The following C1GALT1 variants were observed in gnomAD, a reference collection of about 807,000 sequenced individuals.
C1GALT1 encodes core 1 synthase, glycoprotein-N-acetylgalactosamine 3-beta-galactosyltransferase 1.
Under a neutral mutation model 31.0 loss-of-function variants are expected in C1GALT1, and 11 were observed. The ratio of observed to expected loss-of-function variants is 0.36; its 90% CI spans 0.22 to 0.59. The LOEUF (loss-of-function observed/expected upper bound fraction) is 0.59. C1GALT1 is among the 20% of genes least tolerant of loss of function. C1GALT1 has a pLI of 0.79. For missense variants in C1GALT1, 424 were observed against 425.2 expected, an observed-to-expected ratio of 1.00 and a Z score of 0.03; for synonymous variants, 175 against 143.6, an observed-to-expected ratio of 1.22 and a Z score of -1.56.
chr7:7,229,655 A>G (rs1005294841), intron 1 of C1GALT1, among the ~76,000 whole-genome samples: 12 of 152,244 alleles, frequency 7.9e-5, no homozygotes, highest in African/African-American at 2.9e-4. Flanking sequence ...GACAATCGAG[A>G]TATTTAGAAT....
At chr7:7,216,818 A>G (rs550694240) in intron 1 of C1GALT1, among the ~76,000 whole-genome samples, 2 of 152,322 alleles carry the variant, frequency 1.3e-5, no homozygotes, top group South Asian at 4.1e-4. Flanking sequence ...CCGTTCTCAG[A>G]AGAGTCCTAG....
At chr7:7,167,586 T>TC (rs1170164529) in intron 2 of C1GALT1, among the ~76,000 whole-genome samples, 1 of 151,566 alleles carries the variant, frequency 6.6e-6, no homozygotes, top group Non-Finnish European at 1.5e-5. Context: ...TTTTTGTTGT[T>TC]CATTTTTTTT....
intron 3 of C1GALT1, among the ~76,000 whole-genome samples, chr7:7,242,025 G>A (rs902426096): frequency 1.3e-5 from 2 of 151,892 alleles, no homozygotes; most frequent in African/African-American, 4.8e-5. Context: ...AATATGCACT[G>A]GACAGTATAG....
At chr7:7,180,070 A>G, upstream of C1GALT1, among the ~76,000 whole-genome samples, 1 of 152,206 alleles carries the variant, frequency 6.6e-6, no homozygotes, top group East Asian at 1.9e-4. Flanking sequence ...ACTAGTAAAG[A>G]AGAAAGGATT....
At chr7:7,181,942 T>C (rs531539783), upstream of C1GALT1, among the ~76,000 whole-genome samples, 2 of 152,096 alleles carry the variant, frequency 1.3e-5, no homozygotes, top group African/African-American at 2.4e-5. Flanking sequence ...GTTACGCCCC[T>C]AAGAAGCTCT....
intron 1 of C1GALT1, among the ~76,000 whole-genome samples, chr7:7,201,240 G>A (rs1375684625): frequency 1.3e-5 from 2 of 152,188 alleles, no homozygotes; most frequent in East Asian, 1.9e-4. Flanking sequence ...ACCCTCAGCC[G>A]CAGGTCTGTT....
upstream of C1GALT1, among the ~76,000 whole-genome samples, chr7:7,179,170 G>T (rs1484058962): frequency 6.6e-6 from 1 of 152,106 alleles, no homozygotes; most frequent in African/African-American, 2.4e-5. Context: ...CAGCTACCTG[G>T]CCCCAACAAG....
chr7:7,170,652 A>C (rs1780443557), intron 2 of C1GALT1, among the ~76,000 whole-genome samples: 1 of 152,134 alleles, frequency 6.6e-6, no homozygotes, highest in South Asian at 2.1e-4. Flanking sequence ...GCATGGTGGC[A>C]GGCATCTGTG....
intron 1 of C1GALT1, among the ~76,000 whole-genome samples, chr7:7,211,019 T>A (rs1179213075): frequency 6.6e-6 from 1 of 151,694 alleles, no homozygotes; most frequent in East Asian, 1.9e-4. Context: ...GGGCAACAAC[T>A]CCTTCTGGCT....
chr7:7,199,591 C>T (rs950871567), intron 1 of C1GALT1, among the ~76,000 whole-genome samples: 1 of 144,140 alleles, frequency 6.9e-6, no homozygotes, highest in Non-Finnish European at 1.5e-5. Flanking sequence ...CCTGGATATC[C>T]TTGTTACAAC....
At chr7:7,180,969 C>T (rs1780570898), upstream of C1GALT1, among the ~76,000 whole-genome samples, 1 of 151,188 alleles carries the variant, frequency 6.6e-6, no homozygotes, top group Non-Finnish European at 1.5e-5. Flanking sequence ...CTGATTTGGT[C>T]CAGTATTGTT....
In C1GALT1 at chr7:7,238,524, T is replaced by G. The variant is rs755678129; in HGVS notation, c.490T>G (p.Trp164Gly). ...VHEHYLEDADWFLKADDDTYV... is the reference protein window; with the variant it reads ...VHEHYLEDADGFLKADDDTYV... ...TGAACATTATTTAGAAGATGCTGAT[T>G]GGTTTTTGAAAGCAGATGATGACAC... The change falls in exon 3 of 4, where the codon TGG becomes GGG. Residue 164 changes from tryptophan to glycine, a missense_variant. By Grantham distance (184) the Trp-to-Gly change is radical. Around this residue, in one of 3 missense-constraint regions of C1GALT1, gnomAD observed 44 missense variants for 78.3 expected, o/e 0.56. Transcript: ENST00000436587. The surrounding 1 kb of genome is among the most constrained non-coding windows in gnomAD (Gnocchi z 5.2). 2 of 1,614,172 alleles carry G rather than the reference T, an allele frequency of 1.2e-6. No homozygotes were observed. The highest frequency in any genetic ancestry group is 2.2e-5 in the East Asian group (1 of 44,884).
intron 2 of C1GALT1, among the ~76,000 whole-genome samples, chr7:7,167,719 CT>C (rs1241968098): frequency 6.6e-6 from 1 of 152,082 alleles, no homozygotes; most frequent in African/African-American, 2.4e-5. Context: ...TACTACAGCT[CT>C]TTTCTTGGCC....
At chr7:7,242,429 C>T (rs752933270) in intron 3 of C1GALT1, among the ~76,000 whole-genome samples, 11 of 152,060 alleles carry the variant, frequency 7.2e-5, no homozygotes, top group East Asian at 1.9e-4. Context: ...GCAGAGAAAA[C>T]GCAGTGGACA....
chr7:7,185,862 A>G (rs765675454), intron 1 of C1GALT1, among the ~76,000 whole-genome samples: 3 of 152,260 alleles, frequency 2.0e-5, no homozygotes, highest in Non-Finnish European at 4.4e-5. Context: ...GTTTAGCATT[A>G]TAGACTGAAT....
intron 1 of C1GALT1, among the ~76,000 whole-genome samples, chr7:7,201,757 C>T (rs1004491067): frequency 6.6e-6 from 1 of 152,204 alleles, no homozygotes; most frequent in Non-Finnish European, 1.5e-5. Context: ...CCCTCCCCCT[C>T]CCCCGAGGAA....
In C1GALT1 at chr7:7,191,706, G is replaced by C. The variant is rs115676460; in HGVS notation, c.-18+8886G>C. ...TAAGGTAGCATCTCATTGTAGTCTT[G>C]ATTTGTTTTGCTAATGATTAGAGAT... On this transcript the variant is annotated intron_variant, in intron 1 of 3. Transcript: ENST00000436587. Among the ~76,000 whole-genome samples the C allele has an allele frequency of 5.9e-3, 903 of 152,186 alleles. 8 individuals are homozygous for C. The highest frequency in any genetic ancestry group is 0.02 in the African/African-American group (838 of 41,552).
At chr7:7,240,605 G>A (rs1311307921) in intron 3 of C1GALT1, among the ~76,000 whole-genome samples, 1 of 152,106 alleles carries the variant, frequency 6.6e-6, no homozygotes, top group Non-Finnish European at 1.5e-5. Flanking sequence ...CTTACTAAGA[G>A]TATCTGATGT....
intron 3 of C1GALT1, among the ~76,000 whole-genome samples, chr7:7,241,635 A>G (rs1302613795): frequency 6.6e-6 from 1 of 151,906 alleles, no homozygotes; most frequent in Non-Finnish European, 1.5e-5. Flanking sequence ...TTACTGTTCT[A>G]CTTGGGCTTT....
Sources: gnomAD v4.1 joint callset for allele counts (sites outside exome capture counted in the v4.1 genomes callset) on GRCh38, gnomAD v4.1.1 for gene constraint, gnomAD v4.1.1 regional missense constraint, Gnocchi (gnomAD v3.1) non-coding constraint, MANE v1.5 for transcripts, NCBI Gene and HGNC (gene_info 2026-07-23, HGNC 2026-07-21) for gene names.